Variants in SULF1 observed in about 807,000 individuals in gnomAD.
The protein encoded by SULF1 is sulfatase 1.
A neutral mutation model predicts 110.5 loss-of-function variants in SULF1; 46 were observed. The observed-to-expected ratio is 0.42, with a 90% CI of 0.33 to 0.53. The LOEUF (loss-of-function observed/expected upper bound fraction) is 0.53, where lower values mean the gene tolerates loss of function less well. SULF1 is among the 20% of genes least tolerant of loss of function. The pLI, the probability that SULF1 is intolerant of heterozygous loss-of-function variation, is 0.12. For missense variants in SULF1, 941 were observed against 1,094.2 expected, an observed-to-expected ratio of 0.86 and a Z score of 1.98; for synonymous variants, 371 against 387.1, an observed-to-expected ratio of 0.96 and a Z score of 0.49.
At chr8:69,535,782 A>C (rs1263175099) in intron 3 of SULF1, among the ~76,000 whole-genome samples, 2 of 152,190 alleles carry the variant, frequency 1.3e-5, no homozygotes, top group Non-Finnish European at 1.5e-5. Context: ...CTGTAATCCC[A>C]GCACTTTGGG....
rs201940203 is a variant in SULF1, at chr8:69,523,811, A to G, written c.-134+21843A>G. Reference sequence around the variant, plus strand: ...GGTTGGCATACTAAGAGCAATGATCAGAGAGTGGGATGCATGGAACCAAGA... The same window carrying G: ...GGTTGGCATACTAAGAGCAATGATCGGAGAGTGGGATGCATGGAACCAAGA... On this transcript the variant is annotated intron_variant, in intron 3 of 22. Transcript: ENST00000402687. Among the ~76,000 whole-genome samples the G allele has an allele frequency of 2.6e-5, 4 of 152,242 alleles. No homozygotes were observed. The East Asian group carries it at 7.8e-4, about 30-fold the overall frequency.
At chr8:69,632,882 C>T (rs113506877) in intron 19 of SULF1, among the ~76,000 whole-genome samples, 2,438 of 151,846 alleles carry the variant, frequency 0.016, 63 homozygotes, top group African/African-American at 0.056. Context: ...AAAAATTAGC[C>T]GGGCTTGGTG....
chr8:69,508,825 G>A (rs1811366620), intron 3 of SULF1, among the ~76,000 whole-genome samples: 1 of 152,166 alleles, frequency 6.6e-6, no homozygotes, highest in Non-Finnish European at 1.5e-5. Context: ...ATGATGCCCA[G>A]CAGGACACAG....
chr8:69,534,150 T>C (rs1813285095), intron 3 of SULF1, among the ~76,000 whole-genome samples: 1 of 152,222 alleles, frequency 6.6e-6, no homozygotes, highest in African/African-American at 2.4e-5. Flanking sequence ...TACTGTACAT[T>C]CTGCATTACT....
chr8:69,507,728 CA>C (rs901105801), intron 3 of SULF1, among the ~76,000 whole-genome samples: 3 of 151,536 alleles, frequency 2.0e-5, no homozygotes, highest in Admixed American at 6.6e-5. Context: ...AGAGAATTTG[CA>C]AAAAAAATAT....
chr8:69,472,713 G>A (rs993028861), intron 1 of SULF1, among the ~76,000 whole-genome samples: 2 of 152,194 alleles, frequency 1.3e-5, no homozygotes, highest in Non-Finnish European at 2.9e-5. Flanking sequence ...AATTTTCAAA[G>A]AGAGGCATTA....
chr8:69,522,810 C>A (rs1471462193), intron 3 of SULF1, among the ~76,000 whole-genome samples: 4 of 151,930 alleles, frequency 2.6e-5, no homozygotes, highest in African/African-American at 7.3e-5. Flanking sequence ...GAAAACTGAT[C>A]ATTGGATTTA....
rs575041016 is a variant in SULF1, at chr8:69,601,961, C to A, written c.1061+132C>A. On this transcript the variant is annotated intron_variant, in intron 10 of 22. Transcript: ENST00000402687. ...AGGATGTGTGTAGGCTGGTTAATTT[C>A]GAAGATGAAAACCTTTTCCTCCCTG... 3 of 910,440 alleles carry A rather than the reference C, an allele frequency of 3.3e-6. No individual in the cohort carries two copies. In the South Asian group the frequency reaches 7.9e-5, roughly 24 times the overall value. The allele number at this position is 910,440 out of a possible 1,614,324, so 56.4% of individuals were successfully genotyped here.
chr8:69,525,276 A>G (rs1812579947), intron 3 of SULF1, among the ~76,000 whole-genome samples: 1 of 152,162 alleles, frequency 6.6e-6, no homozygotes, highest in Non-Finnish European at 1.5e-5. Context: ...ATGCCCAGAA[A>G]TTGCTCAATG....
rs183134186 is a variant in SULF1 at position 69,526,495 on chromosome 8, C to T, written c.-134+24527C>T. On this transcript the variant is annotated intron_variant, in intron 3 of 22. Transcript: ENST00000402687. ...GAAAAAGGCAGGCCAGGCATAGTAG[C>T]TCATGCCTATAATCCCAGCACTTTG... Among the ~76,000 whole-genome samples, 489 of 151,468 alleles carry T rather than the reference C, an allele frequency of 3.2e-3. 3 individuals are homozygous for T. Among genetic ancestry groups the T allele is most frequent in the African/African-American group, 0.011 (470 of 41,302 alleles).
chr8:69,487,041 T>C (rs1433080359), intron 1 of SULF1, among the ~76,000 whole-genome samples: 1 of 152,208 alleles, frequency 6.6e-6, no homozygotes, highest in Non-Finnish European at 1.5e-5. Flanking sequence ...GAATGCCAGA[T>C]CACTTCTTGA....
At chr8:69,545,085 C>CTTTTTTT (rs56914726) in intron 3 of SULF1, among the ~76,000 whole-genome samples, 1 of 134,954 alleles carries the variant, frequency 7.4e-6, no homozygotes, top group Non-Finnish European at 1.6e-5. Flanking sequence ...TAAAGGAATT[C>CTTTTTTT]TTTTTTTTTT....
At chr8:69,576,431 T>G (rs1309172854) in intron 6 of SULF1, among the ~76,000 whole-genome samples, 1 of 152,242 alleles carries the variant, frequency 6.6e-6, no homozygotes. Context: ...ATCAATCATG[T>G]GTACCTTGTT....
chr8:69,509,575 G>A (rs1004556142), intron 3 of SULF1, among the ~76,000 whole-genome samples: 1 of 152,176 alleles, frequency 6.6e-6, no homozygotes, highest in African/African-American at 2.4e-5. Flanking sequence ...CCTGGGACAT[G>A]TGCTGCTGCT....
At chr8:69,555,144 C>A (rs1815024544) in intron 3 of SULF1, among the ~76,000 whole-genome samples, 1 of 151,982 alleles carries the variant, frequency 6.6e-6, no homozygotes, top group African/African-American at 2.4e-5. Flanking sequence ...AAAAATACAG[C>A]TAATCTCCAT....
At chr8:69,509,508 C>G (rs1158655880) in intron 3 of SULF1, among the ~76,000 whole-genome samples, 3 of 152,186 alleles carry the variant, frequency 2.0e-5, no homozygotes, top group Non-Finnish European at 4.4e-5. Context: ...TGGAATTCAG[C>G]TGAGGGTTGA....
chr8:69,589,079 C>G lies in SULF1; in HGVS notation c.672C>G (p.Pro224=), dbSNP rs368146472. The change falls in exon 8 of 23, where the codon CCC becomes CCG. Residue 224 remains proline (P), a synonymous_variant. Transcript: ENST00000402687. The part of the protein sequence containing the change: ...PVMMVISHAA[P]HGPEDSAPQF... Reference sequence around the variant, plus strand: ...TGATGGTGATCAGCCACGCTGCGCCCCACGGCCCCGAGGACTCAGCCCCAC... The same window carrying G: ...TGATGGTGATCAGCCACGCTGCGCCGCACGGCCCCGAGGACTCAGCCCCAC... 5 of 1,614,186 alleles carry G rather than the reference C, an allele frequency of 3.1e-6. 1 individual carries two copies. Among genetic ancestry groups the G allele is most frequent in the East Asian group, 2.2e-5 (1 of 44,884 alleles).
intron 3 of SULF1, among the ~76,000 whole-genome samples, chr8:69,536,784 C>T (rs1813453352): frequency 1.3e-5 from 2 of 152,110 alleles, no homozygotes; most frequent in African/African-American, 2.4e-5. Flanking sequence ...GCCAATGTGT[C>T]GAACTCACAC....
At chr8:69,578,598 T>A (rs1805807481) in intron 6 of SULF1, among the ~76,000 whole-genome samples, 1 of 146,812 alleles carries the variant, frequency 6.8e-6, no homozygotes, top group African/African-American at 2.5e-5. Flanking sequence ...GATCAAACCT[T>A]AAGAATCGGG....
Sources: gnomAD v4.1 joint callset for allele counts (sites outside exome capture counted in the v4.1 genomes callset) on GRCh38, gnomAD v4.1.1 for gene constraint, MANE v1.5 for transcripts, NCBI Gene and HGNC (gene_info 2026-07-23, HGNC 2026-07-21) for gene names.